DHX8: variants seen among roughly 807,000 people sequenced by gnomAD.
DHX8 encodes DEAH-box helicase 8.
DHX8 carries 67 observed loss-of-function variants against 140.7 expected under a neutral mutation model. The observed-to-expected ratio is 0.48, with a 90% CI of 0.39 to 0.58. The LOEUF (loss-of-function observed/expected upper bound fraction) is 0.58. Among genes scored for constraint, DHX8 ranks in the 20% least tolerant of loss-of-function variants. The pLI, the probability that DHX8 is intolerant of heterozygous loss-of-function variation, is 0.00. For missense variants in DHX8, 887 were observed against 1,550.7 expected (o/e 0.57, Z 7.19); for synonymous variants, 533 against 553.2 (o/e 0.96, Z 0.51).
chr17:43,499,035 A>T lies in DHX8; in HGVS notation c.1398+76A>T. 2.7e-6 allele frequency: 3 copies of T among 1,108,022 alleles called. No homozygotes were observed. The South Asian group carries it at 4.4e-5, about 16-fold the overall frequency. 68.6% of individuals were successfully genotyped at this position (1,108,022 alleles called of 1,614,324 possible). ...CTAAAGTAATGGGTCAGGTTATTAG[A>T]TCTGCGTAAGTAGAACTTGGGCCAC... On this transcript the variant is annotated intron_variant, in intron 10 of 22. Transcript: ENST00000262415.
At chr17:43,487,147 T>G (rs961753803) in intron 1 of DHX8, among the ~76,000 whole-genome samples, 2 of 152,194 alleles carry the variant, frequency 1.3e-5, no homozygotes, top group African/African-American at 4.8e-5. Flanking sequence ...AGGGTTGTTT[T>G]GGGGATCATG....
Position 43,521,374 on chromosome 17 carries a change from AC to A in DHX8, c.3073del (p.Gln1025LysfsTer22). Reference sequence around the variant, plus strand: ...TCTGTCCCACTGCTTGGCAGGATAAACAAGCCCTTGCAGATCAGAAGAAGGC... The same window carrying A: ...TCTGTCCCACTGCTTGGCAGGATAAAAAGCCCTTGCAGATCAGAAGAAGGC... ...QNVFYRPKDK[Q>X]ALADQKKAKF... On this transcript the variant is annotated frameshift_variant, in exon 21 of 23. Transcript: ENST00000262415. LOFTEE classifies it high-confidence loss of function. 2 of 1,611,176 alleles carry A rather than the reference AC, an allele frequency of 1.2e-6. No homozygotes were observed. Among genetic ancestry groups the A allele is most frequent in the African/African-American group, 2.7e-5 (2 of 74,916 alleles).
chr17:43,524,771 A>G lies in DHX8; in HGVS notation c.*924A>G, dbSNP rs537005353. On this transcript the variant is annotated 3_prime_UTR_variant, in exon 23 of 23. Transcript: ENST00000262415. Reference sequence around the variant, plus strand: ...CTGAGGTCCTGGATGGACTTTAACAAAGGGATTTTATGGTCAAAACCTCCC... The same window carrying G: ...CTGAGGTCCTGGATGGACTTTAACAGAGGGATTTTATGGTCAAAACCTCCC... 62 of 985,306 alleles carry G rather than the reference A, an allele frequency of 6.3e-5. No homozygotes were observed. In the African/African-American group the frequency reaches 9.2e-4, roughly 15 times the overall value. 61.0% of individuals were successfully genotyped at this position (985,306 alleles called of 1,614,324 possible).
chr17:43,529,734 C>A (rs1314602469), downstream of DHX8: 14 of 1,589,026 alleles, frequency 8.8e-6, no homozygotes, highest in Non-Finnish European at 1.2e-5. Flanking sequence ...CCCAAGCAAC[C>A]GCCTCCCACC....
intron 16 of DHX8, 140 bp downstream of exon 16, chr17:43,508,660 C>T (rs1969622191): frequency 5.2e-6 from 3 of 572,596 alleles, no homozygotes; most frequent in Non-Finnish European, 5.9e-6. Context: ...CTCGCTCTCA[C>T]CCAGGCAGGA....
At chr17:43,488,960 G>T (rs1443230389) in intron 1 of DHX8, among the ~76,000 whole-genome samples, 1 of 151,928 alleles carries the variant, frequency 6.6e-6, no homozygotes, top group African/African-American at 2.4e-5. Context: ...AATATGTGTG[G>T]ATAATTTCAG....
intron 3 of DHX8, among the ~76,000 whole-genome samples, chr17:43,538,006 T>C (rs1971334315): frequency 6.6e-6 from 1 of 151,990 alleles, no homozygotes; most frequent in Admixed American, 6.6e-5. Flanking sequence ...GGCGGGTGCC[T>C]GTAGTCCCAG....
At chr17:43,489,587 T>G in intron 2 of DHX8, 53 bp downstream of exon 2, 1 of 1,331,752 alleles carries the variant, frequency 7.5e-7, no homozygotes, top group Non-Finnish European at 1.1e-6. Flanking sequence ...TAATTTATGT[T>G]TGTTTGTTTG....
intron 9 of DHX8, among the ~76,000 whole-genome samples, chr17:43,497,257 TTTATA>T (rs1395118120): frequency 2.0e-5 from 3 of 146,808 alleles, no homozygotes; most frequent in African/African-American, 4.9e-5. Flanking sequence ...TATGTTGATA[TTTATA>T]TTGGTATTTC....
downstream of DHX8, among the ~76,000 whole-genome samples, chr17:43,530,697 T>G (rs79827161): frequency 1.7e-4 from 26 of 152,110 alleles, no homozygotes; most frequent in East Asian, 4.7e-3. Context: ...CTGGGCCTTG[T>G]TTTTTCAGGT....
chr17:43,532,362 G>A (rs570994460), intron 2 of DHX8, among the ~76,000 whole-genome samples: 2 of 152,104 alleles, frequency 1.3e-5, no homozygotes. Flanking sequence ...AGCCGGGCAC[G>A]GTGGCTGGTG....
intron 3 of DHX8, among the ~76,000 whole-genome samples, chr17:43,541,391 C>A (rs891948810): frequency 1.3e-5 from 2 of 152,186 alleles, no homozygotes; most frequent in African/African-American, 4.8e-5. Flanking sequence ...CAGGGTCTGT[C>A]CCCAGCTCCA....
chr17:43,493,610 G>C (rs1598126550), intron 7 of DHX8, 21 bp downstream of exon 7: 7 of 1,614,148 alleles, frequency 4.3e-6, no homozygotes, highest in Non-Finnish European at 5.9e-6. Flanking sequence ...TGGTCAGCCT[G>C]TTCTTACATG....
Position 43,523,921 on chromosome 17 carries a change from G to A in DHX8, c.*74G>A. The A allele has an allele frequency of 1.3e-6, 2 of 1,588,254 alleles. No homozygotes were observed. The highest frequency in any genetic ancestry group is 1.8e-5 in the Admixed American group (1 of 56,938). On this transcript the variant is annotated 3_prime_UTR_variant, in exon 23 of 23. Transcript: ENST00000262415. ...GACTTATCGATGACAGGCTGGTCCT[G>A]AGGATACAGCTGTCCCGTGACTGAC... is the stretch of plus-strand genomic sequence containing the variant.
At position 43,504,828 on chromosome 17, in the gene DHX8, G is replaced by A. The variant is rs1385610882; in HGVS notation, c.1728+3G>A. On this transcript the variant is annotated splice_donor_region_variant and intron_variant, in intron 12 of 22. Transcript: ENST00000262415. ...AACTGAAGGAGCAATTGGTCCAGGT[G>A]AGAAGACTTTTATGATGTATTGGTG... 1.2e-6 allele frequency: 2 copies of A among 1,611,966 alleles called. No homozygotes were observed. The highest frequency in any genetic ancestry group is 1.7e-6 in the Non-Finnish European group (2 of 1,179,210).
At chr17:43,520,432 T>C (rs535987787) in intron 19 of DHX8, among the ~76,000 whole-genome samples, 165 bp downstream of exon 19, 1 of 152,370 alleles carries the variant, frequency 6.6e-6, no homozygotes, top group Admixed American at 6.5e-5. Flanking sequence ...TTAAACTGTT[T>C]CTTCTTTATA....
At chr17:43,489,060 A>G (rs1161543040) in intron 1 of DHX8, among the ~76,000 whole-genome samples, 1 of 151,534 alleles carries the variant, frequency 6.6e-6, no homozygotes, top group African/African-American at 2.4e-5. Context: ...GCTGGAGTGC[A>G]GTGGCGCAAT....
chr17:43,507,323 A>T, intron 13 of DHX8, 126 bp downstream of exon 13: 12 of 1,174,142 alleles, frequency 1.0e-5, no homozygotes, highest in Non-Finnish European at 1.4e-5. Context: ...GAGGGTTCCC[A>T]TTGTCATAAT....
At chr17:43,500,804 G>T (rs996760996) in intron 11 of DHX8, among the ~76,000 whole-genome samples, 2 of 151,894 alleles carry the variant, frequency 1.3e-5, no homozygotes, top group African/African-American at 4.8e-5. Context: ...CCAGCTACTC[G>T]AGAGACTGAG....
Sources: allele counts gnomAD v4.1 joint callset (sites outside exome capture counted in the v4.1 genomes callset), GRCh38; gene constraint gnomAD v4.1.1; transcripts MANE v1.5; gene names NCBI Gene and HGNC (gene_info 2026-07-23, HGNC 2026-07-21).